The following SHROOM2 variants were observed in gnomAD, a reference collection of about 807,000 sequenced individuals.
SHROOM2 encodes protein Shroom2.
A neutral mutation model predicts 75.9 loss-of-function variants in SHROOM2; 33 were observed. The observed-to-expected ratio is 0.43, with a 90% CI of 0.33 to 0.58. The LOEUF (loss-of-function observed/expected upper bound fraction) is 0.58, where lower values mean the gene tolerates loss of function less well. SHROOM2 is among the 20% of genes least tolerant of loss of function. SHROOM2 has a pLI of 0.04. For synonymous variants in SHROOM2, 655 were observed against 663.6 expected (o/e 0.99, Z 0.20); for missense variants, 1,434 against 1,461.2 (o/e 0.98, Z 0.30).
chrX:9,843,276 C>G (rs1443659812), intron 1 of SHROOM2, among the ~76,000 whole-genome samples: 1 of 110,177 alleles, frequency 9.1e-6, no homozygotes, highest in Non-Finnish European at 1.9e-5. Flanking sequence ...TATATTTGTC[C>G]AAGCAATGAA....
chrX:9,814,724 C>G (rs2083809654), intron 1 of SHROOM2, among the ~76,000 whole-genome samples: 1 of 111,419 alleles, frequency 9.0e-6, no homozygotes, highest in African/African-American at 3.3e-5. Flanking sequence ...GCTGTTCCTT[C>G]TGGCAAAAAA....
intron 8 of SHROOM2, among the ~76,000 whole-genome samples, chrX:9,940,331 T>A (rs1306679082): frequency 8.9e-6 from 1 of 112,091 alleles, no homozygotes; most frequent in Non-Finnish European, 1.9e-5. Flanking sequence ...ACTGCATTCT[T>A]TGCTCGCATG....
intron 1 of SHROOM2, among the ~76,000 whole-genome samples, chrX:9,812,275 C>T (rs748426354): frequency 8.9e-6 from 1 of 111,868 alleles, no homozygotes; most frequent in African/African-American, 3.2e-5. Context: ...TTGGATCATA[C>T]GGCCCAAGTG....
intron 1 of SHROOM2, among the ~76,000 whole-genome samples, chrX:9,800,408 T>C (rs2083717967): frequency 9.0e-6 from 1 of 110,836 alleles, no homozygotes; most frequent in African/African-American, 3.3e-5. Context: ...TGGCGTGATC[T>C]TGGCTCACTG....
Position 9,923,526 on chromosome X carries a change from C to A in SHROOM2, c.2892-8649C>A, listed in dbSNP as rs780689119. ...AGGGCTGGCTCAACATCCACATTGC[C>A]TGGAGGGCTTTCCCTGAAACACAGG... On this transcript the variant is annotated intron_variant, in intron 5 of 9. Coordinates refer to ENST00000380913, the MANE Select transcript of SHROOM2 (RefSeq NM_001649.4). Among the ~76,000 whole-genome samples the A allele has an allele frequency of 3.6e-5, 4 of 112,345 alleles. No homozygotes were observed. The East Asian group carries it at 8.5e-4, about 24-fold the overall frequency.
chrX:9,820,333 G>GCCAGCTT (rs1333129624), intron 1 of SHROOM2, among the ~76,000 whole-genome samples: 2 of 108,806 alleles, frequency 1.8e-5, no homozygotes, highest in African/African-American at 6.7e-5. Flanking sequence ...TCCAGCCACA[G>GCCAGCTT]CCAGCTTCCA....
chrX:9,833,641 T>TGTGTGC (rs1487056427), intron 1 of SHROOM2, among the ~76,000 whole-genome samples: 1 of 92,858 alleles, frequency 1.1e-5, no homozygotes, highest in Non-Finnish European at 2.4e-5. Context: ...TGTGTGTGTG[T>TGTGTGC]GTGTGCATGC....
intron 5 of SHROOM2, among the ~76,000 whole-genome samples, chrX:9,908,978 C>T (rs868789107): frequency 1.3e-5 from 1 of 76,523 alleles, no homozygotes; most frequent in African/African-American, 4.0e-5. Flanking sequence ...TAAATAAAAA[C>T]AAAAATAAAA....
chrX:9,848,811 T>A (rs1274597252), intron 1 of SHROOM2, among the ~76,000 whole-genome samples: 2 of 111,077 alleles, frequency 1.8e-5, no homozygotes, highest in Non-Finnish European at 3.8e-5. Flanking sequence ...AAGCTCTCAA[T>A]AGTAACGTGT....
At chrX:9,926,692 A>G in intron 5 of SHROOM2, among the ~76,000 whole-genome samples, 1 of 111,861 alleles carries the variant, frequency 8.9e-6, no homozygotes, top group South Asian at 3.8e-4. Flanking sequence ...AGAGAGACTG[A>G]CACTTTTGCT....
At chrX:9,808,278 T>C (rs1025632816) in intron 1 of SHROOM2, among the ~76,000 whole-genome samples, 1 of 108,772 alleles carries the variant, frequency 9.2e-6, no homozygotes, top group Non-Finnish European at 1.9e-5. Flanking sequence ...AAATGGAGAC[T>C]GTGCGCTGTG....
chrX:9,878,699 C>T (rs1042982976), intron 2 of SHROOM2, among the ~76,000 whole-genome samples: 1 of 110,949 alleles, frequency 9.0e-6, no homozygotes, highest in Non-Finnish European at 1.9e-5. Context: ...AGTAAGGGGC[C>T]GCCTAAGACG....
chrX:9,853,057 T>C (rs1412897642), intron 1 of SHROOM2, among the ~76,000 whole-genome samples: 2 of 111,992 alleles, frequency 1.8e-5, no homozygotes, highest in East Asian at 2.8e-4. Context: ...TCCTCTTTAA[T>C]AGGAAAGCCT....
chrX:9,881,121 C>T (rs1393507580), intron 2 of SHROOM2, among the ~76,000 whole-genome samples: 3 of 111,146 alleles, frequency 2.7e-5, no homozygotes, highest in Admixed American at 9.6e-5. Flanking sequence ...GTAGTTCCGA[C>T]GTCCAGACCA....
intron 1 of SHROOM2, among the ~76,000 whole-genome samples, chrX:9,839,961 G>GT (rs1022058497): frequency 2.7e-5 from 3 of 111,574 alleles, no homozygotes; most frequent in Non-Finnish European, 5.6e-5. Context: ...GGTAAGACTT[G>GT]TTTCCTACTC....
At chrX:9,793,928 A>T (rs147503641) in intron 1 of SHROOM2, among the ~76,000 whole-genome samples, 1,392 of 110,221 alleles carry the variant, frequency 0.013, 25 homozygotes, top group African/African-American at 0.043. Context: ...TATTTTTTGT[A>T]GAGATGGGGT....
At chrX:9,925,372 A>G (rs1460259618) in intron 5 of SHROOM2, among the ~76,000 whole-genome samples, 1 of 112,895 alleles carries the variant, frequency 8.9e-6, no homozygotes, top group Non-Finnish European at 1.9e-5. Flanking sequence ...GATACACCTC[A>G]CCAGGCTGAA....
intron 1 of SHROOM2, among the ~76,000 whole-genome samples, chrX:9,813,202 C>T (rs767413001): frequency 6.3e-5 from 7 of 111,814 alleles, no homozygotes; most frequent in Middle Eastern, 4.6e-3. Context: ...TAGTAGCCCT[C>T]GCCCTACCAG....
chrX:9,878,443 C>T (rs1419147514), intron 2 of SHROOM2, among the ~76,000 whole-genome samples: 1 of 112,102 alleles, frequency 8.9e-6, no homozygotes, highest in East Asian at 2.8e-4. Flanking sequence ...TGGTGTGGTC[C>T]TGCATTTGAA....
Sources: gnomAD v4.1 joint callset for allele counts (sites outside exome capture counted in the v4.1 genomes callset) on GRCh38, gnomAD v4.1.1 for gene constraint, MANE v1.5 for transcripts, NCBI Gene and HGNC (gene_info 2026-07-23, HGNC 2026-07-21) for gene names.